Variants in DLG2 observed in about 807,000 individuals in gnomAD.
The protein encoded by DLG2 is disks large homolog 2.
DLG2 carries 45 observed loss-of-function variants against 132.5 expected under a neutral mutation model. The observed-to-expected ratio is 0.34, with a 90% confidence interval of 0.27 to 0.44. The LOEUF is 0.44. DLG2 is among the 20% of genes least tolerant of loss of function. The probability of loss-of-function intolerance (pLI) is 1.00; values close to 1 mark genes in which losing one functional copy is unlikely to be tolerated. For synonymous variants in DLG2, 424 were observed against 419.6 expected (o/e 1.01, Z -0.13); for missense variants, 1,045 against 1,196.9 (o/e 0.87, Z 1.87).
intron 2 of DLG2, among the ~76,000 whole-genome samples, chr11:85,623,721 C>T (rs975589847): frequency 6.6e-6 from 1 of 152,198 alleles, no homozygotes; most frequent in Non-Finnish European, 1.5e-5. Context: ...AAAAAAGAAG[C>T]TGCATTGTAC....
At chr11:84,649,937 G>T (rs964706477) in intron 6 of DLG2, among the ~76,000 whole-genome samples, 1 of 152,118 alleles carries the variant, frequency 6.6e-6, no homozygotes, top group African/African-American at 2.4e-5. Flanking sequence ...AAGTTCCCTT[G>T]TCTCATGTTC....
intron 7 of DLG2, among the ~76,000 whole-genome samples, chr11:84,438,805 A>T (rs2099008964): frequency 6.6e-6 from 1 of 152,240 alleles, no homozygotes. Context: ...AGTGGCACAC[A>T]AACTAGACTC....
intron 7 of DLG2, among the ~76,000 whole-genome samples, chr11:84,288,879 C>G (rs2097947050): frequency 6.6e-6 from 1 of 151,998 alleles, no homozygotes; most frequent in East Asian, 1.9e-4. Flanking sequence ...TGGGGAGAAG[C>G]TTTTGTGATA....
At chr11:83,725,058 G>A (rs901263648) in intron 18 of DLG2, 14 of 578,520 alleles carry the variant, frequency 2.4e-5, no homozygotes, top group Non-Finnish European at 4.4e-5. Context: ...TAGTGGCAGA[G>A]CTAGTTTGAG....
chr11:85,300,872 C>T (rs996485563), intron 3 of DLG2, among the ~76,000 whole-genome samples: 4 of 151,874 alleles, frequency 2.6e-5, no homozygotes, highest in Non-Finnish European at 4.4e-5. Context: ...CGTGCAAGAA[C>T]CTGAGAGAGG....
At chr11:85,372,941 G>A (rs2085106000) in intron 3 of DLG2, among the ~76,000 whole-genome samples, 1 of 152,168 alleles carries the variant, frequency 6.6e-6, no homozygotes, top group Non-Finnish European at 1.5e-5. Context: ...CATTTCAAAT[G>A]CATCCTGAAC....
At chr11:83,530,772 T>C (rs1483589353) in intron 21 of DLG2, among the ~76,000 whole-genome samples, 1 of 151,930 alleles carries the variant, frequency 6.6e-6, no homozygotes, top group East Asian at 1.9e-4. Context: ...AAGGCATCCA[T>C]ATTTGAAGGA....
intron 7 of DLG2, among the ~76,000 whole-genome samples, chr11:84,466,679 A>G (rs2099095276): frequency 6.6e-6 from 1 of 151,346 alleles, no homozygotes; most frequent in Admixed American, 6.6e-5. Flanking sequence ...TAGTGGGGGT[A>G]CTAAGTATTA....
chr11:84,347,215 T>C (rs906254276), intron 7 of DLG2, among the ~76,000 whole-genome samples: 6 of 152,074 alleles, frequency 3.9e-5, no homozygotes, highest in Admixed American at 2.0e-4. Context: ...AATAAATGCA[T>C]TGGGGTGGGG....
chr11:84,386,624 CCAT>C (rs1481496142), intron 7 of DLG2, among the ~76,000 whole-genome samples: 2 of 152,022 alleles, frequency 1.3e-5, no homozygotes, highest in Non-Finnish European at 2.9e-5. Flanking sequence ...CAATAAATGG[CCAT>C]CATATTATAA....
At chr11:83,818,597 A>G (rs2049794649) in intron 17 of DLG2, among the ~76,000 whole-genome samples, 1 of 152,210 alleles carries the variant, frequency 6.6e-6, no homozygotes, top group African/African-American at 2.4e-5. Context: ...TTCGTTGTAG[A>G]CAGGGATGAG....
intron 11 of DLG2, among the ~76,000 whole-genome samples, chr11:84,037,092 G>C (rs2095885384): frequency 6.6e-6 from 1 of 152,102 alleles, no homozygotes; most frequent in African/African-American, 2.4e-5. Context: ...TTTGCTATTT[G>C]AAGCAGCGAG....
In DLG2 at chr11:83,695,519, G is replaced by A. The variant is rs184710882; in HGVS notation, c.1826-62194C>T. On this transcript the variant is annotated intron_variant, in intron 18 of 27. Transcript: ENST00000376104. ...GCACTTTGGGAGGCCGAGGTGGGTGGATCACCTGACGTCAGGAGCTCGAGA... is the reference window on the plus strand; with the variant it reads ...GCACTTTGGGAGGCCGAGGTGGGTGAATCACCTGACGTCAGGAGCTCGAGA... Among the ~76,000 whole-genome samples, 680 of 152,222 alleles carry A rather than the reference G, an allele frequency of 4.5e-3. 3 individuals carry two copies. Among genetic ancestry groups the A allele is most frequent in the Non-Finnish European group, 7.7e-3 (524 of 68,000 alleles).
chr11:84,849,318 C>T (rs1018905461), intron 6 of DLG2, among the ~76,000 whole-genome samples: 2 of 152,124 alleles, frequency 1.3e-5, no homozygotes, highest in African/African-American at 4.8e-5. Context: ...CGTGAAACAG[C>T]ATGTCAAGCA....
intron 6 of DLG2, among the ~76,000 whole-genome samples, chr11:84,729,037 G>A (rs1421357057): frequency 6.6e-6 from 1 of 151,986 alleles, no homozygotes; most frequent in Non-Finnish European, 1.5e-5. Context: ...CAAAAACCCA[G>A]CTCCTGGATT....
intron 18 of DLG2, among the ~76,000 whole-genome samples, chr11:83,771,169 C>T (rs2094376323): frequency 6.6e-6 from 1 of 152,012 alleles, no homozygotes; most frequent in Non-Finnish European, 1.5e-5. Context: ...TAATAGTTAC[C>T]TAAAGCAACT....
chr11:83,746,505 C>T (rs1300102360), intron 18 of DLG2, among the ~76,000 whole-genome samples: 1 of 151,748 alleles, frequency 6.6e-6, no homozygotes, highest in African/African-American at 2.4e-5. Flanking sequence ...CACGTTCTCA[C>T]TTATAGGTGG....
intron 2 of DLG2, among the ~76,000 whole-genome samples, chr11:85,622,229 A>G (rs2081761234): frequency 6.6e-6 from 1 of 152,218 alleles, no homozygotes; most frequent in African/African-American, 2.4e-5. Context: ...TATAGTATAT[A>G]CTGTACTGTA....
chr11:84,384,886 C>G (rs760013779), intron 7 of DLG2, among the ~76,000 whole-genome samples: 1 of 152,018 alleles, frequency 6.6e-6, no homozygotes, highest in East Asian at 1.9e-4. Flanking sequence ...AACAGGAGTT[C>G]ATGATACATT....
Sources: allele counts gnomAD v4.1 joint callset (sites outside exome capture counted in the v4.1 genomes callset), GRCh38; gene constraint gnomAD v4.1.1; transcripts MANE v1.5; gene names NCBI Gene and HGNC (gene_info 2026-07-23, HGNC 2026-07-21).